HMCN1: variants seen among roughly 807,000 people sequenced by gnomAD.
The protein encoded by HMCN1 is hemicentin-1.
Under a neutral mutation model 625.9 loss-of-function variants are expected in HMCN1, and 321 were observed. The observed-to-expected ratio is 0.51, with a 90% CI of 0.47 to 0.56. HMCN1 has a LOEUF of 0.56. Ranked by LOEUF, HMCN1 falls within the 20% of genes least tolerant of loss-of-function variation. The pLI is 0.00. For missense variants in HMCN1, 6,588 were observed against 6,887.3 expected (o/e 0.96, Z 1.54); for synonymous variants, 2,425 against 2,417.6 (o/e 1.00, Z -0.09).
chr1:185,945,183 C>T (rs1022977874), intron 11 of HMCN1, among the ~76,000 whole-genome samples: 4 of 152,120 alleles, frequency 2.6e-5, no homozygotes, highest in African/African-American at 9.7e-5. Context: ...TGTGATATGT[C>T]AGAAACATTT....
chr1:186,154,409 C>T (rs909499321), intron 97 of HMCN1, among the ~76,000 whole-genome samples: 1 of 152,182 alleles, frequency 6.6e-6, no homozygotes, highest in Admixed American at 6.5e-5. Context: ...GTAGTCCCAG[C>T]TACTGTGGAG....
Position 186,189,671 on chromosome 1 carries a change from A to T in HMCN1, c.16701A>T (p.Thr5567=), listed in dbSNP as rs1482661572. 1.2e-6 allele frequency: 2 copies of T among 1,612,086 alleles called. No individual in the cohort carries two copies. The highest frequency in any genetic ancestry group is 3.3e-5 in the Admixed American group (2 of 59,890). Residue 5567 remains threonine, a synonymous_variant, in exon 107 of 107, where the codon ACA becomes ACT. Coordinates refer to ENST00000271588, the MANE Select transcript of HMCN1 (RefSeq NM_031935.3). ...AGGATGGAGTGATGCATCCCAGGAC[A>T]ACTTTCCTCATGGTAGATGAGGAAC... is the stretch of plus-strand genomic sequence containing the variant. ...YTQDGVMHPR[T]TFLMVDEEQT...
chr1:186,070,761 A>G lies in HMCN1; in HGVS notation c.8139+4A>G, dbSNP rs895045786. 1.9e-6 allele frequency: 3 copies of G among 1,613,742 alleles called. No individual in the cohort carries two copies. Among genetic ancestry groups the G allele is most frequent in the East Asian group, 2.2e-5 (1 of 44,832 alleles). On this transcript the variant is annotated splice_donor_region_variant and intron_variant, in intron 52 of 106. Transcript: ENST00000271588. Reference sequence around the variant, plus strand: ...CAGCTGGTACAAGGATGGACAGGCCAGTCACAACTTTTTTCATTTGCTGAT... The same window carrying G: ...CAGCTGGTACAAGGATGGACAGGCCGGTCACAACTTTTTTCATTTGCTGAT...
intron 1 of HMCN1, among the ~76,000 whole-genome samples, chr1:185,827,664 C>A (rs968722156): frequency 1.3e-5 from 2 of 151,488 alleles, no homozygotes; most frequent in Non-Finnish European, 2.9e-5. Context: ...TTTTTGGAGT[C>A]ACGAATAAAA....
intron 15 of HMCN1, among the ~76,000 whole-genome samples, chr1:185,973,091 T>C (rs1233530072): frequency 1.3e-5 from 2 of 152,144 alleles, no homozygotes; most frequent in African/African-American, 2.4e-5. Context: ...GTTTTCTGCC[T>C]AAACTTTCCT....
chr1:186,020,052 T>C (rs1050781525), intron 35 of HMCN1, among the ~76,000 whole-genome samples: 1 of 152,040 alleles, frequency 6.6e-6, no homozygotes, highest in African/African-American at 2.4e-5. Context: ...GATACAGTCA[T>C]ATTTACATAA....
chr1:186,093,127 TC>T lies in HMCN1; in HGVS notation c.9888-5del. The T allele has an allele frequency of 6.2e-7, 1 of 1,613,224 alleles. No homozygotes were observed. Among genetic ancestry groups the T allele is most frequent in the East Asian group, 2.2e-5 (1 of 44,850 alleles). ...TCTCAGCCCCTCTGTTATGATCTTT[TC>T]CGTAGAGTGAGTGCAAATGGCAGCA... On this transcript the variant is annotated splice_region_variant and splice_polypyrimidine_tract_variant and intron_variant, in intron 64 of 106. Transcript: ENST00000271588.
intron 6 of HMCN1, 76 bp from the exon 7 acceptor site, chr1:185,922,303 C>T: frequency 6.5e-7 from 1 of 1,530,824 alleles, no homozygotes; most frequent in South Asian, 1.1e-5. Flanking sequence ...TGTGCAGTTT[C>T]CCATACTGGC....
intron 97 of HMCN1, among the ~76,000 whole-genome samples, chr1:186,164,137 C>A (rs1651712395): frequency 6.6e-6 from 1 of 152,142 alleles, no homozygotes; most frequent in Non-Finnish European, 1.5e-5. Flanking sequence ...TATCCTAGTA[C>A]CACCCCCCTG....
At chr1:185,987,402 T>C in intron 19 of HMCN1, 30 bp from the exon 20 acceptor site, 1 of 1,343,726 alleles carries the variant, frequency 7.4e-7, no homozygotes, top group Non-Finnish European at 1.1e-6. Flanking sequence ...GAACAGGTGC[T>C]CAGATTCCAA....
intron 68 of HMCN1, among the ~76,000 whole-genome samples, chr1:186,099,219 G>A (rs1194144095): frequency 6.6e-6 from 1 of 152,056 alleles, no homozygotes; most frequent in Non-Finnish European, 1.5e-5. Flanking sequence ...TAATTACCCT[G>A]ATTTGATAAT....
intron 95 of HMCN1, 106 bp from the exon 96 acceptor site, chr1:186,152,644 T>G (rs1650747079): frequency 7.3e-7 from 1 of 1,374,428 alleles, no homozygotes; most frequent in South Asian, 1.2e-5. Context: ...CTTATTCAAG[T>G]TTGAACTCAA....
intron 89 of HMCN1, among the ~76,000 whole-genome samples, chr1:186,141,019 G>A (rs551595364): frequency 6.5e-4 from 99 of 152,222 alleles, no homozygotes; most frequent in African/African-American, 2.2e-3. Context: ...GAAGCCCTGA[G>A]CATGTTTTCC....
chr1:186,068,067 C>A, intron 50 of HMCN1, 60 bp downstream of exon 50: 2 of 1,406,370 alleles, frequency 1.4e-6, no homozygotes, highest in Non-Finnish European at 1.0e-6. Flanking sequence ...TCTAGAAAAG[C>A]AGAATCATTG....
At chr1:185,892,405 A>G (rs1017044296) in intron 4 of HMCN1, among the ~76,000 whole-genome samples, 1 of 151,378 alleles carries the variant, frequency 6.6e-6, no homozygotes, top group Admixed American at 6.6e-5. Context: ...TAGAGTTTCC[A>G]GTTTTTCTGT....
chr1:186,136,669 T>C lies in HMCN1; in HGVS notation c.13314T>C (p.Ser4438=). Residue 4438 remains serine (S), a splice_region_variant and synonymous_variant, in exon 87 of 107, where the codon AGT becomes AGC. Coordinates refer to ENST00000271588, the MANE Select transcript of HMCN1 (RefSeq NM_031935.3). ...GACACTATGTGCTTTTTTCCGTAGG[T>C]CCTCCTATTATCACTCTTGAGCCAG... ...VERSMSLTLQ[S]PPIITLEPVE... 1 of 1,613,814 alleles carries C rather than the reference T, an allele frequency of 6.2e-7. No individual in the cohort carries two copies. Among genetic ancestry groups the C allele is most frequent in the East Asian group, 2.2e-5 (1 of 44,876 alleles).
At chr1:186,067,085 T>C (rs979993401) in intron 49 of HMCN1, among the ~76,000 whole-genome samples, 3 of 152,248 alleles carry the variant, frequency 2.0e-5, no homozygotes, top group Middle Eastern at 3.4e-3. Flanking sequence ...TCTTTCTACA[T>C]TTTATATTTT....
At chr1:186,090,572 A>G (rs1659787675) in intron 63 of HMCN1, among the ~76,000 whole-genome samples, 186 bp from the exon 64 acceptor site, 1 of 152,022 alleles carries the variant, frequency 6.6e-6, no homozygotes, top group African/African-American at 2.4e-5. Flanking sequence ...CAAATACACC[A>G]GAAATATTGA....
chr1:185,899,624 C>T (rs578101629), intron 4 of HMCN1, among the ~76,000 whole-genome samples: 2 of 152,216 alleles, frequency 1.3e-5, no homozygotes, highest in African/African-American at 2.4e-5. Context: ...CATTTATGTT[C>T]TGTTATCTTT....
Sources: gnomAD v4.1 joint callset for allele counts (sites outside exome capture counted in the v4.1 genomes callset) on GRCh38, gnomAD v4.1.1 for gene constraint, MANE v1.5 for transcripts, NCBI Gene and HGNC (gene_info 2026-07-23, HGNC 2026-07-21) for gene names.